The following AKNAD1 variants were observed in gnomAD, a reference collection of about 807,000 sequenced individuals.
AKNAD1 encodes protein AKNAD1.
A neutral mutation model predicts 90.8 loss-of-function variants in AKNAD1; 67 were observed. The observed-to-expected ratio is 0.74, with a 90% CI of 0.61 to 0.90. The LOEUF is 0.90. Ranked by LOEUF, AKNAD1 falls within the 40% of genes least tolerant of loss-of-function variation. The pLI, the probability that AKNAD1 is intolerant of heterozygous loss-of-function variation, is 0.00. For synonymous variants in AKNAD1, 327 were observed against 341.4 expected, an observed-to-expected ratio of 0.96 and a Z score of 0.46; for missense variants, 957 against 975.4, an observed-to-expected ratio of 0.98 and a Z score of 0.25.
At position 108,843,222 on chromosome 1, in the gene AKNAD1, A is replaced by C; in HGVS notation, c.1291T>G (p.Phe431Val). ...AGATGCTTGTCCTTGGTGGCCAGAA[A>C]GTTCTGCTCCAGCAGTTCAAGGTGT... Reference protein sequence around the residue: ...QGHLELLEQNFLATKDKHLTL... With the variant: ...QGHLELLEQNVLATKDKHLTL... Residue 431 changes from phenylalanine (F) to valine (V), a missense_variant, in exon 6 of 16, where the codon TTT becomes GTT. Physicochemically the swap from Phe to Val is conservative, Grantham distance 50. Coordinates refer to ENST00000370001, the MANE Select transcript of AKNAD1 (RefSeq NM_152763.5). 1 of 1,614,192 alleles carries C rather than the reference A, an allele frequency of 6.2e-7. No individual in the cohort carries two copies. Among genetic ancestry groups the C allele is most frequent in the Non-Finnish European group, 8.5e-7 (1 of 1,180,042 alleles).
chr1:108,848,708 A>T, intron 5 of AKNAD1, 44 bp downstream of exon 5: 1 of 1,521,192 alleles, frequency 6.6e-7, no homozygotes, highest in Non-Finnish European at 9.0e-7. Context: ...TATCCAAGCC[A>T]TATTCTCTAA....
At chr1:108,838,337 AC>A in intron 6 of AKNAD1, among the ~76,000 whole-genome samples, 1 of 149,572 alleles carries the variant, frequency 6.7e-6, no homozygotes, top group Admixed American at 6.6e-5. Context: ...CCCAAAAAAA[AC>A]CCTGTTTAAT....
intron 11 of AKNAD1, among the ~76,000 whole-genome samples, chr1:108,826,987 C>A (rs11102504): frequency 0.27 from 40,501 of 151,230 alleles, 6,140 homozygotes; most frequent in African/African-American, 0.35. Flanking sequence ...AGTGATCCAC[C>A]CGCCTCAGCC....
intron 13 of AKNAD1, chr1:108,823,163 T>A (rs370006099): frequency 8.1e-5 from 58 of 719,076 alleles, no homozygotes; most frequent in East Asian, 5.4e-4. Flanking sequence ...TCACTGCGAT[T>A]TCATATTTTC....
intron 6 of AKNAD1, among the ~76,000 whole-genome samples, chr1:108,841,675 G>T (rs1664556945): frequency 1.3e-5 from 2 of 152,116 alleles, no homozygotes; most frequent in South Asian, 4.1e-4. Context: ...TTAGCCTTTG[G>T]ACTCAACACT....
chr1:108,818,504 C>T (rs1427640485), intron 14 of AKNAD1, among the ~76,000 whole-genome samples: 4 of 152,144 alleles, frequency 2.6e-5, no homozygotes, highest in African/African-American at 7.2e-5. Flanking sequence ...TAACAGCCAT[C>T]GCTTGCTGAG....
rs1570830608 is a variant in AKNAD1, at chr1:108,851,829, G to A, written c.836C>T (p.Pro279Leu). ...KIPKNKIINK[P>L]LAIAKQASFS... ...GCTGGCTTGTTTAGCTATTGCAAGT[G>A]GTTTATTAATTATCTTATTTTTAGG... is the stretch of plus-strand genomic sequence containing the variant. Residue 279 changes from proline (P) to leucine (L), a missense_variant, in exon 2 of 16, where the codon CCA becomes CTA. Transcript: ENST00000370001. 3.7e-6 allele frequency: 6 copies of A among 1,613,794 alleles called. No individual in the cohort carries two copies. The East Asian group carries it at 1.3e-4, about 36-fold the overall frequency.
At chr1:108,835,178 C>T (rs141888782) in intron 7 of AKNAD1, 122 bp from the exon 8 acceptor site, 64 of 1,098,838 alleles carry the variant, frequency 5.8e-5, no homozygotes, top group African/African-American at 1.7e-4. Context: ...GGCGTCCCCC[C>T]ACCCCTGTCT....
At chr1:108,823,780 G>T (rs1410252853) in intron 11 of AKNAD1, 92 bp from the exon 12 acceptor site, 2 of 1,570,154 alleles carry the variant, frequency 1.3e-6, no homozygotes, top group Non-Finnish European at 1.7e-6. Flanking sequence ...ACTGTGCAGG[G>T]TATGTGTTTG....
Position 108,820,433 on chromosome 1 carries a change from A to G in AKNAD1, c.2249+112T>C, listed in dbSNP as rs186489361. On this transcript the variant is annotated intron_variant, in intron 14 of 15. Coordinates refer to ENST00000370001, the MANE Select transcript of AKNAD1 (RefSeq NM_152763.5). Reference sequence around the variant, plus strand: ...AGGTTTAGGTTTGAATCCTGGCTCTACTCCTAATCATCTAGGTTATCTTGG... The same window carrying G: ...AGGTTTAGGTTTGAATCCTGGCTCTGCTCCTAATCATCTAGGTTATCTTGG... 4.5e-6 allele frequency: 3 copies of G among 669,852 alleles called. No homozygotes were observed. The African/African-American group carries it at 5.4e-5, about 12-fold the overall frequency. 41.5% of individuals were successfully genotyped at this position (669,852 alleles called of 1,614,324 possible).
chr1:108,851,106 G>T (rs1429669049), intron 2 of AKNAD1, among the ~76,000 whole-genome samples: 1 of 152,192 alleles, frequency 6.6e-6, no homozygotes, highest in African/African-American at 2.4e-5. Context: ...CGAAGATAAG[G>T]TTGCTGCCCT....
Position 108,823,702 on chromosome 1 carries a change from A to G in AKNAD1, c.1937-14T>C. 1 of 1,614,072 alleles carries G rather than the reference A, an allele frequency of 6.2e-7. No individual in the cohort carries two copies. The highest frequency in any genetic ancestry group is 8.5e-7 in the Non-Finnish European group (1 of 1,179,966). On this transcript the variant is annotated splice_polypyrimidine_tract_variant and intron_variant, in intron 11 of 15. Coordinates refer to ENST00000370001, the MANE Select transcript of AKNAD1 (RefSeq NM_152763.5). ...CTGTATCAGAATCTGAAAAAGCCCA[A>G]GTTGCATGAATGAAGGGTAAGTGTC... is the stretch of plus-strand genomic sequence containing the variant.
At chr1:108,852,884 G>A in intron 1 of AKNAD1, 117 bp from the exon 2 acceptor site, 1 of 405,944 alleles carries the variant, frequency 2.5e-6, no homozygotes, top group Non-Finnish European at 4.3e-6. Flanking sequence ...CAGGAAGGCA[G>A]GAAGCTCAAC....
chr1:108,840,176 T>C (rs760704469), intron 6 of AKNAD1, among the ~76,000 whole-genome samples: 2 of 152,230 alleles, frequency 1.3e-5, no homozygotes, highest in South Asian at 2.1e-4. Flanking sequence ...AGCTTATTAA[T>C]ATTTTCAGAT....
In AKNAD1 at chr1:108,835,061, G is replaced by A. The variant is rs746305000; in HGVS notation, c.1537-5C>T. Reference sequence around the variant, plus strand: ...GCCGGGGTGCTCCTTGGGAATCTGGGGGAGCCACACAGAAAGACTTGAATT... The same window carrying A: ...GCCGGGGTGCTCCTTGGGAATCTGGAGGAGCCACACAGAAAGACTTGAATT... On this transcript the variant is annotated splice_region_variant and splice_polypyrimidine_tract_variant and intron_variant, in intron 7 of 15. Transcript: ENST00000370001. 5.7e-6 allele frequency: 9 copies of A among 1,571,140 alleles called. No homozygotes were observed. The highest frequency in any genetic ancestry group is 4.9e-5 in the East Asian group (2 of 41,014).
chr1:108,833,409 C>T (rs572881015), intron 9 of AKNAD1, among the ~76,000 whole-genome samples: 1 of 152,182 alleles, frequency 6.6e-6, no homozygotes, highest in African/African-American at 2.4e-5. Context: ...GTGGTGAAAC[C>T]TCCTCTCTAC....
chr1:108,816,017 T>G lies in AKNAD1; in HGVS notation c.*154A>C. 3.1e-6 allele frequency: 2 copies of G among 653,020 alleles called. No individual in the cohort carries two copies. Among genetic ancestry groups the G allele is most frequent in the Middle Eastern group, 3.2e-4 (1 of 3,100 alleles). 40.5% of individuals were successfully genotyped at this position (653,020 alleles called of 1,614,324 possible). A position where few individuals can be genotyped will look rare whatever the true frequency, so the allele number is the denominator to read the frequency against. The stretch of plus-strand genomic sequence containing the variant: ...GAAGTCCTTTCTTTTTTCTTTTTCC[T>G]TTAAGTACTTTGTGTTACCCATTTC... On this transcript the variant is annotated 3_prime_UTR_variant, in exon 16 of 16. Transcript: ENST00000370001.
chr1:108,856,415 A>T (rs1368483913), intron 1 of AKNAD1, among the ~76,000 whole-genome samples: 1 of 152,044 alleles, frequency 6.6e-6, no homozygotes, highest in Non-Finnish European at 1.5e-5. Flanking sequence ...AAAAAGAAAA[A>T]AAGTCCAGGC....
At chr1:108,855,110 T>C (rs778770011) in intron 1 of AKNAD1, among the ~76,000 whole-genome samples, 1 of 152,132 alleles carries the variant, frequency 6.6e-6, no homozygotes, top group Non-Finnish European at 1.5e-5. Flanking sequence ...AGGAAGGAAT[T>C]GCATATGTAA....
Sources: allele counts gnomAD v4.1 joint callset (sites outside exome capture counted in the v4.1 genomes callset), GRCh38; gene constraint gnomAD v4.1.1; transcripts MANE v1.5; gene names NCBI Gene and HGNC (gene_info 2026-07-23, HGNC 2026-07-21).